Variants in COA8 observed in about 807,000 individuals in gnomAD.
COA8 encodes cytochrome c oxidase assembly factor 8, also known as UPF0671 protein C14orf153.
Under a neutral mutation model 22.0 loss-of-function variants are expected in COA8, and 20 were observed. The ratio of observed to expected loss-of-function variants is 0.91; its 90% CI spans 0.64 to 1.32. The LOEUF is 1.32. Ranked by LOEUF, COA8 falls within the 40% of genes most tolerant of loss-of-function variation. COA8 has a pLI of 0.00. For synonymous variants in COA8, 105 were observed against 79.9 expected (o/e 1.31, Z -1.68); for missense variants, 266 against 230.0 (o/e 1.16, Z -1.01).
At chr14:103,573,492 A>G (rs1220916746) in intron 2 of COA8, among the ~76,000 whole-genome samples, 1 of 151,780 alleles carries the variant, frequency 6.6e-6, no homozygotes, top group Non-Finnish European at 1.5e-5. Context: ...TTGACTTTCC[A>G]TTTGAGTGGG....
intron 3 of COA8, among the ~76,000 whole-genome samples, chr14:103,576,418 G>A (rs908977494): frequency 6.6e-6 from 1 of 152,204 alleles, no homozygotes; most frequent in Non-Finnish European, 1.5e-5. Flanking sequence ...CTGGAGGAAT[G>A]ATACCGTCCT....
At chr14:103,563,559 T>A (rs556527544) in intron 1 of COA8, among the ~76,000 whole-genome samples, 1 of 152,344 alleles carries the variant, frequency 6.6e-6, no homozygotes, top group East Asian at 1.9e-4. Flanking sequence ...GCACTTCACG[T>A]TGAATAGTTG....
chr14:103,572,840 T>C (rs1422506256), intron 2 of COA8, among the ~76,000 whole-genome samples: 1 of 151,886 alleles, frequency 6.6e-6, no homozygotes, highest in African/African-American at 2.4e-5. Context: ...TGGAGTGCAG[T>C]GGTGCGATCT....
chr14:103,567,943 T>A (rs534098417), intron 1 of COA8, among the ~76,000 whole-genome samples: 1 of 152,298 alleles, frequency 6.6e-6, no homozygotes, highest in African/African-American at 2.4e-5. Flanking sequence ...CTTTCTAGTG[T>A]TTGCCCTTCT....
At chr14:103,583,581 C>T (rs1271547648) in intron 3 of COA8, among the ~76,000 whole-genome samples, 1 of 150,534 alleles carries the variant, frequency 6.6e-6, no homozygotes, top group African/African-American at 2.4e-5. Context: ...CTTTTTTCCT[C>T]CTGAGACCAA....
At chr14:103,565,604 C>A (rs2076129954) in intron 1 of COA8, among the ~76,000 whole-genome samples, 1 of 151,434 alleles carries the variant, frequency 6.6e-6, no homozygotes. Context: ...ATCACCTCCC[C>A]ACCTTTTTTT....
intron 3 of COA8, 145 bp downstream of exon 3, chr14:103,574,315 C>A: frequency 1.8e-6 from 2 of 1,090,330 alleles, no homozygotes; most frequent in Non-Finnish European, 2.8e-6. Context: ...ACACCCCTGT[C>A]CAAGTTCTCT....
chr14:103,590,547 G>A lies in COA8; in HGVS notation c.*261G>A, dbSNP rs1371359920. 1.0e-5 allele frequency: 4 copies of A among 395,902 alleles called. No individual in the cohort carries two copies. The highest frequency in any genetic ancestry group is 4.8e-5 in the East Asian group (1 of 20,796). The allele number at this position is 395,902 out of a possible 1,614,324, so 24.5% of individuals were successfully genotyped here. The stretch of plus-strand genomic sequence containing the variant: ...ACTGGGTGCCCGTTTCCTGTGTTTC[G>A]AATTATACCAATTCAAAACAGAACT... On this transcript the variant is annotated 3_prime_UTR_variant, in exon 5 of 5. Transcript: ENST00000409074.
chr14:103,562,961 C>T lies in COA8; in HGVS notation c.-41C>T. 1 of 1,474,352 alleles carries T rather than the reference C, an allele frequency of 6.8e-7. No individual in the cohort carries two copies. The highest frequency in any genetic ancestry group is 1.5e-5 in the African/African-American group (1 of 68,682). 91.3% of individuals were successfully genotyped at this position (1,474,352 alleles called of 1,614,324 possible). A position where few individuals can be genotyped will look rare whatever the true frequency, so the allele number is the denominator to read the frequency against. ...CGTAAAGCGGCCCCTCGCGCCGTCG[C>T]AATGCTGCCGTGCGCCGCGGGAGCC... On this transcript the variant is annotated 5_prime_UTR_variant, in exon 1 of 5. Transcript: ENST00000409074.
chr14:103,589,799 A>G (rs938146583), intron 4 of COA8, among the ~76,000 whole-genome samples: 15 of 151,554 alleles, frequency 9.9e-5, no homozygotes, highest in Admixed American at 8.5e-4. Flanking sequence ...CTGTAGTCCC[A>G]GCTACTCGGG....
chr14:103,573,252 C>T (rs1272801897), intron 2 of COA8, among the ~76,000 whole-genome samples: 2 of 152,030 alleles, frequency 1.3e-5, no homozygotes, highest in South Asian at 2.1e-4. Flanking sequence ...TCACTGCAAC[C>T]TCCACCTCCC....
At chr14:103,589,029 G>A (rs1041026818) in intron 4 of COA8, among the ~76,000 whole-genome samples, 5 of 152,068 alleles carry the variant, frequency 3.3e-5, no homozygotes, top group Non-Finnish European at 7.4e-5. Context: ...TTGTTTGCAC[G>A]GGGCACAGTC....
intron 2 of COA8, among the ~76,000 whole-genome samples, chr14:103,572,468 C>G (rs2076194963): frequency 1.3e-5 from 2 of 151,918 alleles, no homozygotes; most frequent in Non-Finnish European, 2.9e-5. Context: ...GGCATGATGG[C>G]TCTGCAATCC....
intron 1 of COA8, among the ~76,000 whole-genome samples, chr14:103,564,571 C>CTTTTTTTTTTTTTTTT (rs561702478): frequency 2.2e-5 from 2 of 91,460 alleles, no homozygotes; most frequent in African/African-American, 4.7e-5. Context: ...ATATACACTT[C>CTTTTTTTTTTTTTTTT]TTTTTTTTTT....
chr14:103,572,207 A>C (rs958800093), intron 2 of COA8, among the ~76,000 whole-genome samples: 1 of 152,142 alleles, frequency 6.6e-6, no homozygotes, highest in African/African-American at 2.4e-5. Context: ...GGTGTTTAGT[A>C]TATTGCTTTG....
intron 1 of COA8, among the ~76,000 whole-genome samples, chr14:103,571,334 C>A (rs942628739): frequency 1.3e-5 from 2 of 151,776 alleles, no homozygotes; most frequent in African/African-American, 2.4e-5. Flanking sequence ...TCGCCACTGC[C>A]CTCCAGCCTG....
chr14:103,588,303 C>G (rs2076326049), intron 4 of COA8: 2 of 396,380 alleles, frequency 5.0e-6, no homozygotes, highest in East Asian at 7.2e-5. Context: ...TCACTTGAGT[C>G]CAGGAGTTCA....
At chr14:103,570,004 C>T (rs533459765) in intron 1 of COA8, among the ~76,000 whole-genome samples, 4 of 152,122 alleles carry the variant, frequency 2.6e-5, no homozygotes, top group Admixed American at 1.3e-4. Context: ...CTACAGGTGC[C>T]GGCCACCACG....
rs112263349 is a variant in COA8 at position 103,584,911 on chromosome 14, G to A, written c.386-2363G>A. 1.1e-3 allele frequency among the ~76,000 whole-genome samples: 168 copies of A among 152,226 alleles called. 1 individual carries two copies. The highest frequency in any genetic ancestry group is 2.1e-3 in the Non-Finnish European group (144 of 68,016). On this transcript the variant is annotated intron_variant, in intron 3 of 4. Coordinates refer to ENST00000409074, the MANE Select transcript of COA8 (RefSeq NM_001370595.2). Reference sequence around the variant, plus strand: ...TCCCAGCACTCTGGGAGGCCAAGGCGGGCGGATCATGAAGTCAGGAGTTCA... The same window carrying A: ...TCCCAGCACTCTGGGAGGCCAAGGCAGGCGGATCATGAAGTCAGGAGTTCA...
Sources: allele counts gnomAD v4.1 joint callset (sites outside exome capture counted in the v4.1 genomes callset), GRCh38; gene constraint gnomAD v4.1.1; transcripts MANE v1.5; gene names NCBI Gene and HGNC (gene_info 2026-07-23, HGNC 2026-07-21).